UGGT1: variants seen among roughly 807,000 people sequenced by gnomAD.
The protein encoded by UGGT1 is UDP-glucose glycoprotein glucosyltransferase 1.
In UGGT1, 107 loss-of-function variants were observed where a neutral mutation model predicts 203.9. The observed-to-expected ratio is 0.52, with a 90% CI of 0.45 to 0.62. UGGT1 has a LOEUF of 0.62. UGGT1 is among the 20% of genes least tolerant of loss of function. The pLI is 0.00. For synonymous variants in UGGT1, 628 were observed against 653.5 expected (o/e 0.96, Z 0.59); for missense variants, 1,673 against 1,867.2 (o/e 0.90, Z 1.92).
At chr2:128,136,232 A>T (rs72848155) in intron 15 of UGGT1, among the ~76,000 whole-genome samples, 99 of 152,344 alleles carry the variant, frequency 6.5e-4, no homozygotes, top group African/African-American at 2.2e-3. Flanking sequence ...ATTATTAACT[A>T]AACTCCATAG....
At chr2:128,133,686 T>C (rs1165166679) in intron 14 of UGGT1, among the ~76,000 whole-genome samples, 1 of 152,176 alleles carries the variant, frequency 6.6e-6, no homozygotes, top group Non-Finnish European at 1.5e-5. Flanking sequence ...TTTAGGGCAG[T>C]TTTAGTTTCA....
intron 35 of UGGT1, 74 bp downstream of exon 35, chr2:128,179,944 T>C (rs1363096372): frequency 2.1e-6 from 3 of 1,427,942 alleles, no homozygotes; most frequent in Admixed American, 2.0e-5. Context: ...GACTTTTGTT[T>C]TATCTGTATA....
intron 1 of UGGT1, among the ~76,000 whole-genome samples, chr2:128,096,196 C>T (rs865998827): frequency 6.6e-5 from 10 of 152,236 alleles, no homozygotes; most frequent in Middle Eastern, 3.4e-3. Flanking sequence ...TGCCAGTGAC[C>T]CTAGATCCCT....
chr2:128,094,901 A>G (rs1168120865), intron 1 of UGGT1, among the ~76,000 whole-genome samples: 1 of 151,956 alleles, frequency 6.6e-6, no homozygotes, highest in African/African-American at 2.4e-5. Flanking sequence ...GGCACCTGCC[A>G]CTATGCCTGG....
intron 30 of UGGT1, among the ~76,000 whole-genome samples, chr2:128,174,309 G>GTTTTT (rs536672995): frequency 9.7e-5 from 13 of 134,464 alleles, no homozygotes; most frequent in African/African-American, 3.3e-4. Context: ...TATTGTACTA[G>GTTTTT]TTTTTTTTTT....
Position 128,145,812 on chromosome 2 carries a change from G to A in UGGT1, c.1861G>A (p.Gly621Ser), listed in dbSNP as rs371940965. The change falls in exon 18 of 41, where the codon GGC becomes AGC. Residue 621 changes from glycine (G) to serine (S), a missense_variant. Coordinates refer to ENST00000259253, the MANE Select transcript of UGGT1 (RefSeq NM_020120.4). The stretch of plus-strand genomic sequence containing the variant: ...GTTACTTGTGTTTCAGGAAGCAAGA[G>A]GCTACTATGAGCAGACTGGAGTTGG... ...AYDRNRKEAR[G>S]YYEQTGVGPL... 5 of 1,575,448 alleles carry A rather than the reference G, an allele frequency of 3.2e-6. No homozygotes were observed. In the African/African-American group the frequency reaches 6.8e-5, roughly 21 times the overall value.
chr2:128,137,106 T>G lies in UGGT1; in HGVS notation c.1584-1611T>G, dbSNP rs138534548. On this transcript the variant is annotated intron_variant, in intron 15 of 40. Coordinates refer to ENST00000259253, the MANE Select transcript of UGGT1 (RefSeq NM_020120.4). Reference sequence around the variant, plus strand: ...CATTTTTAAAACTTTGGTTGTTTTCTTATTGTTGAGTTTTAAGAGTTCTTT... The same window carrying G: ...CATTTTTAAAACTTTGGTTGTTTTCGTATTGTTGAGTTTTAAGAGTTCTTT... Among the ~76,000 whole-genome samples the G allele has an allele frequency of 4.4e-3, 669 of 152,356 alleles. 2 individuals carry two copies. Among genetic ancestry groups the G allele is most frequent in the African/African-American group, 0.015 (627 of 41,584 alleles).
chr2:128,159,774 C>T lies in UGGT1; in HGVS notation c.2562+54C>T, dbSNP rs911881555. 4 of 1,551,738 alleles carry T rather than the reference C, an allele frequency of 2.6e-6. No homozygotes were observed. The African/African-American group carries it at 5.4e-5, about 21-fold the overall frequency. On this transcript the variant is annotated intron_variant, in intron 23 of 40. Coordinates refer to ENST00000259253, the MANE Select transcript of UGGT1 (RefSeq NM_020120.4). Reference sequence around the variant, plus strand: ...CCCCATTTTGTCTGCCACGGAAGCTCACCCACTGCAGCTTACGTGTCCGGT... The same window carrying T: ...CCCCATTTTGTCTGCCACGGAAGCTTACCCACTGCAGCTTACGTGTCCGGT...
rs1573650939 is a variant in UGGT1, at chr2:128,193,233, T to G, written c.*3491T>G. The G allele has an allele frequency of 6.6e-6, 1 of 151,116 alleles. No homozygotes were observed. Among genetic ancestry groups the G allele is most frequent in the Non-Finnish European group, 1.5e-5 (1 of 67,802 alleles). 9.4% of individuals were successfully genotyped at this position (151,116 alleles called of 1,614,324 possible). A position where few individuals can be genotyped will look rare whatever the true frequency, so the allele number is the denominator to read the frequency against. Reference sequence around the variant, plus strand: ...AACAGTTTCCATAAATGGAGCTTAATTTGCTCTGCTGTCCTTAAGCCCTCG... The same window carrying G: ...AACAGTTTCCATAAATGGAGCTTAAGTTGCTCTGCTGTCCTTAAGCCCTCG... On this transcript the variant is annotated 3_prime_UTR_variant, in exon 41 of 41. Transcript: ENST00000259253.
chr2:128,163,940 A>C (rs1405017355), intron 25 of UGGT1, among the ~76,000 whole-genome samples: 1 of 152,110 alleles, frequency 6.6e-6, no homozygotes, highest in Non-Finnish European at 1.5e-5. Context: ...GCACTTTGGG[A>C]GGTTGAGATG....
intron 15 of UGGT1, among the ~76,000 whole-genome samples, chr2:128,135,177 A>C (rs918070530): frequency 1.3e-5 from 2 of 152,252 alleles, no homozygotes; most frequent in Non-Finnish European, 2.9e-5. Flanking sequence ...ATTATCAATA[A>C]ATAGCCCATG....
At chr2:128,173,672 ATATAT>A (rs1297811713) in intron 29 of UGGT1, 104 bp from the exon 30 acceptor site, 1 of 1,235,230 alleles carries the variant, frequency 8.1e-7, no homozygotes, top group African/African-American at 1.5e-5. Flanking sequence ...AAATATGATC[ATATAT>A]TATGTAAGTC....
At chr2:128,113,295 A>G (rs748121790) in intron 6 of UGGT1, 37 bp downstream of exon 6, 2 of 1,508,976 alleles carry the variant, frequency 1.3e-6, no homozygotes, top group Non-Finnish European at 1.8e-6. Flanking sequence ...TTTTGAATGT[A>G]ATTTGCCTAG....
intron 18 of UGGT1, among the ~76,000 whole-genome samples, chr2:128,150,650 AT>A (rs1028216331): frequency 4.0e-5 from 5 of 125,476 alleles, no homozygotes; most frequent in Admixed American, 1.8e-4. Context: ...ACAATTATTT[AT>A]TTTTTTTAAT....
chr2:128,145,681 T>C, intron 17 of UGGT1, 122 bp from the exon 18 acceptor site: 3 of 903,848 alleles, frequency 3.3e-6, no homozygotes, highest in Non-Finnish European at 4.7e-6. Context: ...TCTTGAGTTA[T>C]TTTTTCTTTA....
intron 24 of UGGT1, 85 bp downstream of exon 24, chr2:128,160,676 A>G (rs1367572857): frequency 1.6e-5 from 24 of 1,497,994 alleles, no homozygotes; most frequent in Non-Finnish European, 2.0e-5. Context: ...AACTCTTCAG[A>G]CAGAGCCACT....
chr2:128,149,720 G>A (rs369143527), intron 18 of UGGT1, among the ~76,000 whole-genome samples: 1 of 150,932 alleles, frequency 6.6e-6, no homozygotes, highest in East Asian at 2.0e-4. Context: ...TTCCCTCTGG[G>A]AACCAAGTGC....
At chr2:128,180,552 A>C (rs1691640631) in intron 35 of UGGT1, among the ~76,000 whole-genome samples, 2 of 152,244 alleles carry the variant, frequency 1.3e-5, no homozygotes, top group South Asian at 4.1e-4. Flanking sequence ...CTTGTCATCA[A>C]GCTCAGTAAA....
rs1008777228 is a variant in UGGT1, at chr2:128,120,696, A to G, written c.973+240A>G. On this transcript the variant is annotated intron_variant, in intron 9 of 40. Transcript: ENST00000259253. ...GGCAAGTCTTTCTGTGTGACCATACATAAACTTGTAATACGAGAAGCAGGT... is the reference window on the plus strand; with the variant it reads ...GGCAAGTCTTTCTGTGTGACCATACGTAAACTTGTAATACGAGAAGCAGGT... Among the ~76,000 whole-genome samples the G allele has an allele frequency of 4.6e-5, 7 of 152,192 alleles. No homozygotes were observed. The South Asian group carries it at 1.0e-3, about 23-fold the overall frequency.
Sources: allele counts gnomAD v4.1 joint callset (sites outside exome capture counted in the v4.1 genomes callset), GRCh38; gene constraint gnomAD v4.1.1; transcripts MANE v1.5; gene names NCBI Gene and HGNC (gene_info 2026-07-23, HGNC 2026-07-21).